Variants in MYCT1 observed in about 807,000 individuals in gnomAD.
The protein encoded by MYCT1 is MYC target 1, also known as myc target protein 1.
A neutral mutation model predicts 15.0 loss-of-function variants in MYCT1; 12 were observed. The ratio of observed to expected loss-of-function variants is 0.80; its 90% CI spans 0.51 to 1.29. The LOEUF (loss-of-function observed/expected upper bound fraction) is 1.29. Among genes scored for constraint, MYCT1 ranks in the 50% most tolerant of loss-of-function variants. The pLI is 0.00. For missense variants in MYCT1, 287 were observed against 279.1 expected (o/e 1.03, Z -0.20); for synonymous variants, 104 against 102.7 (o/e 1.01, Z -0.07).
chr6:152,721,734 T>C lies in MYCT1; in HGVS notation c.197-8T>C, dbSNP rs2099724732. ...AATTGATTTAGCAATTTGTTTTCTT[T>C]GTTTCAGAGGACCTTATCATGTCCT... On this transcript the variant is annotated splice_region_variant and splice_polypyrimidine_tract_variant and intron_variant, in intron 1 of 1. Coordinates refer to ENST00000367245, the MANE Select transcript of MYCT1 (RefSeq NM_025107.3). 1 of 1,593,652 alleles carries C rather than the reference T, an allele frequency of 6.3e-7. No individual in the cohort carries two copies. Among genetic ancestry groups the C allele is most frequent in the Non-Finnish European group, 8.5e-7 (1 of 1,170,502 alleles).
rs557092858 is a variant in MYCT1, at chr6:152,700,843, TG to T, written c.196+2746del. ...GCATTTTTTTCCTTATGGCTAGCTT[TG>T]TGAAAAGTTGGGGGAAGATGTGGTT... On this transcript the variant is annotated intron_variant, in intron 1 of 1. Transcript: ENST00000367245. Among the ~76,000 whole-genome samples, 4 of 152,164 alleles carry T rather than the reference TG, an allele frequency of 2.6e-5. 1 individual carries two copies. In the South Asian group the frequency reaches 8.3e-4, roughly 32 times the overall value.
chr6:152,738,267 T>G, the MYCT1 span, among the ~76,000 whole-genome samples: 110 of 152,256 alleles, frequency 7.2e-4, no homozygotes, highest in African/African-American at 2.6e-3. Flanking sequence ...TATAGACATA[T>G]GATTAACATC....
At chr6:152,729,935 T>TA in the MYCT1 span, among the ~76,000 whole-genome samples, 2 of 152,108 alleles carry the variant, frequency 1.3e-5, no homozygotes, top group Non-Finnish European at 2.9e-5. Flanking sequence ...GCTCAAACTA[T>TA]AAAAAGTAAA....
intron 1 of MYCT1, among the ~76,000 whole-genome samples, chr6:152,706,285 T>C (rs190108131): frequency 3.2e-4 from 49 of 152,308 alleles, no homozygotes; most frequent in Admixed American, 1.2e-3. Context: ...CTGGTTTCAG[T>C]TGACAAACTG....
At chr6:152,736,106 C>T in the MYCT1 span, among the ~76,000 whole-genome samples, 1 of 151,882 alleles carries the variant, frequency 6.6e-6, no homozygotes, top group Admixed American at 6.6e-5. Context: ...CAACAAAGGG[C>T]CATGGATTTA....
At chr6:152,726,921 T>G (rs1360814890), downstream of MYCT1, among the ~76,000 whole-genome samples, 1 of 152,070 alleles carries the variant, frequency 6.6e-6, no homozygotes, top group East Asian at 1.9e-4. Flanking sequence ...ATCTAAGTAC[T>G]TCTTCTCAAC....
At chr6:152,705,950 A>G (rs1010610977) in intron 1 of MYCT1, 10 of 778,226 alleles carry the variant, frequency 1.3e-5, no homozygotes, top group Non-Finnish European at 2.1e-5. Flanking sequence ...ATATGGTGGA[A>G]AAAGCAATTA....
downstream of MYCT1, among the ~76,000 whole-genome samples, chr6:152,726,280 C>T (rs960305787): frequency 1.3e-5 from 2 of 151,918 alleles, no homozygotes; most frequent in Non-Finnish European, 2.9e-5. Context: ...GCCTGTAATC[C>T]CAGCTACTCA....
At chr6:152,725,350 G>C (rs2099725471), downstream of MYCT1, among the ~76,000 whole-genome samples, 1 of 152,130 alleles carries the variant, frequency 6.6e-6, no homozygotes, top group African/African-American at 2.4e-5. Flanking sequence ...AAAATTAATT[G>C]ATTTACAAGT....
chr6:152,731,583 A>G, the MYCT1 span, among the ~76,000 whole-genome samples: 1 of 151,854 alleles, frequency 6.6e-6, no homozygotes, highest in African/African-American at 2.4e-5. Flanking sequence ...AAGTGTTCTC[A>G]TTGTTCAATT....
intron 1 of MYCT1, among the ~76,000 whole-genome samples, chr6:152,715,905 C>T (rs186257553): frequency 1.3e-5 from 2 of 152,180 alleles, no homozygotes; most frequent in Admixed American, 6.5e-5. Context: ...TAATTGGGAG[C>T]CTATCAAGTA....
chr6:152,733,358 C>T, the MYCT1 span, among the ~76,000 whole-genome samples: 1 of 152,192 alleles, frequency 6.6e-6, no homozygotes, highest in African/African-American at 2.4e-5. Context: ...CTGCCTTGGC[C>T]TCCCAAAATG....
chr6:152,715,884 A>T (rs1380423856), intron 1 of MYCT1, among the ~76,000 whole-genome samples: 1 of 152,162 alleles, frequency 6.6e-6, no homozygotes, highest in African/African-American at 2.4e-5. Flanking sequence ...AGTAGAGGAG[A>T]TGGGCTCAGA....
the MYCT1 span, among the ~76,000 whole-genome samples, chr6:152,746,609 A>G: frequency 1.3e-5 from 2 of 152,234 alleles, no homozygotes; most frequent in African/African-American, 4.8e-5. Flanking sequence ...TACATAAGAG[A>G]TGACATTGTG....
intron 1 of MYCT1, among the ~76,000 whole-genome samples, chr6:152,702,789 A>G (rs1298446698): frequency 2.0e-5 from 3 of 152,210 alleles, no homozygotes; most frequent in African/African-American, 7.2e-5. Context: ...GTTGCATATT[A>G]ATAGTCTATT....
intron 1 of MYCT1, among the ~76,000 whole-genome samples, chr6:152,705,237 C>A (rs1283765567): frequency 2.0e-5 from 3 of 152,198 alleles, no homozygotes; most frequent in Middle Eastern, 3.2e-3. Context: ...GCTCAGAACA[C>A]TTACATTAGC....
intron 1 of MYCT1, among the ~76,000 whole-genome samples, chr6:152,716,374 C>G (rs1426736807): frequency 6.6e-6 from 1 of 152,078 alleles, no homozygotes; most frequent in Non-Finnish European, 1.5e-5. Context: ...GACTTCATGG[C>G]CTGCTTTGGT....
At chr6:152,699,264 G>A (rs2099720932) in intron 1 of MYCT1, among the ~76,000 whole-genome samples, 1 of 151,914 alleles carries the variant, frequency 6.6e-6, no homozygotes, top group Admixed American at 6.6e-5. Context: ...TGAAAAATGT[G>A]GGGACAAATA....
chr6:152,716,993 T>A (rs745609282), intron 1 of MYCT1, among the ~76,000 whole-genome samples: 1 of 152,164 alleles, frequency 6.6e-6, no homozygotes. Context: ...TTTTTTTCAG[T>A]TACATTTTCT....
Sources: allele counts gnomAD v4.1 joint callset (sites outside exome capture counted in the v4.1 genomes callset), GRCh38; gene constraint gnomAD v4.1.1; transcripts MANE v1.5; gene names NCBI Gene and HGNC (gene_info 2026-07-23, HGNC 2026-07-21).